The following LUC7L variants were observed in gnomAD, a reference collection of about 807,000 sequenced individuals.
LUC7L encodes the protein putative RNA-binding protein Luc7-like 1.
Under a neutral mutation model 51.1 loss-of-function variants are expected in LUC7L, and 29 were observed. That is an observed-to-expected ratio of 0.57 (90% CI 0.42 to 0.77). LUC7L has a LOEUF of 0.77. Ranked by LOEUF, LUC7L falls within the 30% of genes least tolerant of loss-of-function variation. The probability of loss-of-function intolerance (pLI) is 0.00; values close to 1 mark genes in which losing one functional copy is unlikely to be tolerated. For missense variants in LUC7L, 403 were observed against 511.9 expected, an observed-to-expected ratio of 0.79 and a Z score of 2.05; for synonymous variants, 181 against 180.7, an observed-to-expected ratio of 1.00 and a Z score of -0.01.
At position 199,756 on chromosome 16, in the gene LUC7L, CAAAAAAAAAAA is replaced by C. The variant is rs11361921; in HGVS notation, c.511-529_511-519del. ...AGGCAACAAGAGCAAAACCCTGTCT[CAAAAAAAAAAA>C]AAAAAAAAAAAAGAGAGATCGAGAC... On this transcript the variant is annotated intron_variant, in intron 5 of 9. Transcript: ENST00000293872. Among the ~76,000 whole-genome samples the C allele has an allele frequency of 1.9e-4, 12 of 61,710 alleles. No homozygotes were observed. In the East Asian group the frequency reaches 5.5e-3, roughly 28 times the overall value. 40.5% of individuals were successfully genotyped at this position (61,710 alleles called of 152,430 possible). A position where few individuals can be genotyped will look rare whatever the true frequency, so the allele number is the denominator to read the frequency against.
intron 4 of LUC7L, among the ~76,000 whole-genome samples, chr16:206,419 G>T (rs1244499370): frequency 1.3e-5 from 2 of 152,114 alleles, no homozygotes; most frequent in East Asian, 3.9e-4. Flanking sequence ...CTCTCTTTAT[G>T]ACTTTTTCTT....
chr16:208,031 C>A (rs763107139), intron 4 of LUC7L, 47 bp downstream of exon 4: 1 of 1,347,370 alleles, frequency 7.4e-7, no homozygotes, highest in Non-Finnish European at 1.0e-6. Flanking sequence ...TATTGACAAG[C>A]CAGTATTTTT....
intron 6 of LUC7L, 22 bp downstream of exon 6, chr16:199,040 C>A: frequency 6.4e-7 from 1 of 1,573,510 alleles, no homozygotes; most frequent in Non-Finnish European, 8.7e-7. Flanking sequence ...CCTCAGCTTT[C>A]TCCAGAAACA....
At chr16:200,323 C>T (rs1279600945) in intron 5 of LUC7L, among the ~76,000 whole-genome samples, 3 of 151,344 alleles carry the variant, frequency 2.0e-5, no homozygotes, top group African/African-American at 7.3e-5. Context: ...ACTCAGGAGG[C>T]TGAGGCAGGA....
intron 5 of LUC7L, 129 bp downstream of exon 5, chr16:205,875 C>T (rs1352052276): frequency 1.9e-6 from 2 of 1,071,992 alleles, no homozygotes; most frequent in Non-Finnish European, 2.7e-6. Context: ...AGGCGTGAGC[C>T]ACTGTGCTGG....
chr16:204,788 T>C (rs1019492735), intron 5 of LUC7L, among the ~76,000 whole-genome samples: 10 of 152,168 alleles, frequency 6.6e-5, no homozygotes, highest in African/African-American at 1.9e-4. Flanking sequence ...TCTTGTAATA[T>C]CATGGCTGTT....
chr16:195,484 C>T (rs1027692394), intron 6 of LUC7L, among the ~76,000 whole-genome samples: 1 of 151,958 alleles, frequency 6.6e-6, no homozygotes, highest in Non-Finnish European at 1.5e-5. Flanking sequence ...AGTGTAGTGT[C>T]GTGATCACAG....
Position 199,084 on chromosome 16 carries a change from C to T in LUC7L, c.665G>A (p.Arg222Gln), listed in dbSNP as rs778917081. The stretch of plus-strand genomic sequence containing the variant: ...TACCCTCAACTGATCAAGCTTCTCT[C>T]GGATCTGAATGAACCCCAAGTGTAA... ...GKLHLGFIQI[R>Q]EKLDQLRKTV... The change falls in exon 6 of 10, where the codon CGA (arginine) becomes CAA (glutamine). Residue 222 changes from arginine to glutamine, a missense_variant. Transcript: ENST00000293872. 4.3e-6 allele frequency: 7 copies of T among 1,611,302 alleles called. No homozygotes were observed. In the Admixed American group the frequency reaches 6.7e-5, roughly 15 times the overall value.
chr16:225,563 C>G (rs2050108382), intron 2 of LUC7L, among the ~76,000 whole-genome samples: 1 of 146,800 alleles, frequency 6.8e-6, no homozygotes, highest in South Asian at 2.2e-4. Context: ...CTCGGCTCAC[C>G]ACAACCTCTG....
chr16:193,614 A>G (rs1409881104), intron 6 of LUC7L, among the ~76,000 whole-genome samples: 1 of 151,558 alleles, frequency 6.6e-6, no homozygotes, highest in Non-Finnish European at 1.5e-5. Flanking sequence ...CTTCTGCCTC[A>G]GCCTCCTGAG....
chr16:225,981 C>T (rs950764055), intron 2 of LUC7L, among the ~76,000 whole-genome samples: 1 of 137,260 alleles, frequency 7.3e-6, no homozygotes, highest in African/African-American at 2.7e-5. Context: ...TCAAGAATTC[C>T]AAGTTGTGCA....
At chr16:195,950 C>T (rs192522646) in intron 6 of LUC7L, among the ~76,000 whole-genome samples, 21 of 152,252 alleles carry the variant, frequency 1.4e-4, no homozygotes, top group Middle Eastern at 3.4e-3. Flanking sequence ...GTCTGTAATA[C>T]GAGTTGTGTT....
At chr16:220,516 T>C in intron 3 of LUC7L, 133 bp downstream of exon 3, 1 of 698,932 alleles carries the variant, frequency 1.4e-6, no homozygotes. Flanking sequence ...ATTCTAGCTC[T>C]GAGCTTGAGT....
intron 6 of LUC7L, among the ~76,000 whole-genome samples, chr16:198,376 C>T (rs1299919107): frequency 6.6e-6 from 1 of 151,318 alleles, no homozygotes; most frequent in Non-Finnish European, 1.5e-5. Context: ...TACAATGCTA[C>T]CAGAAAAACC....
intron 3 of LUC7L, among the ~76,000 whole-genome samples, chr16:219,602 G>A (rs111995425): frequency 2.0e-4 from 30 of 151,812 alleles, no homozygotes; most frequent in African/African-American, 7.0e-4. Context: ...AGCTAGGCAC[G>A]GTGGCTCAAC....
chr16:215,852 C>T (rs1018760255), intron 3 of LUC7L, among the ~76,000 whole-genome samples: 12 of 152,024 alleles, frequency 7.9e-5, no homozygotes, highest in Non-Finnish European at 1.5e-4. Flanking sequence ...TCCCACAACA[C>T]TGCTGCTCCA....
chr16:195,906 T>C (rs953387546), intron 6 of LUC7L, among the ~76,000 whole-genome samples: 6 of 152,170 alleles, frequency 3.9e-5, no homozygotes, highest in East Asian at 1.9e-4. Context: ...TCCAAATACA[T>C]TGTGCACTGT....
intron 3 of LUC7L, among the ~76,000 whole-genome samples, chr16:210,908 G>C (rs555815940): frequency 1.3e-5 from 2 of 150,244 alleles, no homozygotes; most frequent in South Asian, 4.2e-4. Flanking sequence ...AAAATTAGCC[G>C]GGCGTGGTGG....
chr16:191,955 A>C (rs2049021211), intron 7 of LUC7L, among the ~76,000 whole-genome samples: 2 of 152,154 alleles, frequency 1.3e-5, no homozygotes, highest in Non-Finnish European at 2.9e-5. Context: ...GGATGTGGAT[A>C]CTTCTGGCTC....
Sources: allele counts gnomAD v4.1 joint callset (sites outside exome capture counted in the v4.1 genomes callset), GRCh38; gene constraint gnomAD v4.1.1; transcripts MANE v1.5; gene names NCBI Gene and HGNC (gene_info 2026-07-23, HGNC 2026-07-21).